MAT2B: variants seen among roughly 807,000 people sequenced by gnomAD.
MAT2B encodes methionine adenosyltransferase 2 non-catalytic beta subunit.
In MAT2B, 16 loss-of-function variants were observed where a neutral mutation model predicts 36.1. The observed-to-expected ratio is 0.44, with a 90% CI of 0.30 to 0.67. The LOEUF is 0.67. MAT2B is among the 30% of genes least tolerant of loss of function. The pLI, the probability that MAT2B is intolerant of heterozygous loss-of-function variation, is 0.09. For missense variants in MAT2B, 332 were observed against 398.2 expected, an observed-to-expected ratio of 0.83 and a Z score of 1.42; for synonymous variants, 148 against 136.9, an observed-to-expected ratio of 1.08 and a Z score of -0.57.
intron 1 of MAT2B, among the ~76,000 whole-genome samples, chr5:163,507,093 G>C (rs1426221894): frequency 6.6e-6 from 1 of 152,152 alleles, no homozygotes; most frequent in Non-Finnish European, 1.5e-5. Flanking sequence ...TTTACCTTAA[G>C]GGTCTGTTTC....
intron 1 of MAT2B, among the ~76,000 whole-genome samples, chr5:163,507,205 G>A (rs1759962429): frequency 2.0e-5 from 3 of 152,306 alleles, no homozygotes; most frequent in Admixed American, 6.5e-5. Context: ...CATACTAATA[G>A]TATTCCATTC....
intron 2 of MAT2B, chr5:163,512,707 A>G (rs776553409): frequency 4.4e-6 from 2 of 453,640 alleles, no homozygotes; most frequent in South Asian, 3.1e-5. Flanking sequence ...TTGTGACGTA[A>G]TCTTGGTTTG....
At chr5:163,511,401 C>G (rs1049325024) in intron 1 of MAT2B, among the ~76,000 whole-genome samples, 44 of 148,516 alleles carry the variant, frequency 3.0e-4, no homozygotes, top group African/African-American at 1.1e-3. Context: ...GTAGCTAGGA[C>G]TACAGGCATG....
At chr5:163,510,321 T>G (rs1760017336) in intron 1 of MAT2B, among the ~76,000 whole-genome samples, 1 of 92,962 alleles carries the variant, frequency 1.1e-5, no homozygotes, top group Non-Finnish European at 2.6e-5. Context: ...GTGTAATAAT[T>G]TATTTGTTTC....
At position 163,518,427 on chromosome 5, in the gene MAT2B, G is replaced by A. The variant is rs557088809; in HGVS notation, c.*64G>A. 6.5e-4 allele frequency: 903 copies of A among 1,382,048 alleles called. 1 individual carries two copies. The highest frequency in any genetic ancestry group is 8.4e-4 in the Non-Finnish European group (857 of 1,015,340). 85.6% of individuals were successfully genotyped at this position (1,382,048 alleles called of 1,614,324 possible). ...AGTATAGTATGTGGCACTTTTTAAA[G>A]AACAAAGGAAATAGTTTTGTATGAG... On this transcript the variant is annotated 3_prime_UTR_variant, in exon 7 of 7. Coordinates refer to ENST00000321757, the MANE Select transcript of MAT2B (RefSeq NM_013283.5).
chr5:163,517,591 T>G lies in MAT2B; in HGVS notation c.751T>G (p.Ser251Ala). ...DPSIKGTFHW[S>A]GNEQMTKYEM... ...ATCAATTAAGGGAACCTTTCACTGG[T>G]CTGGCAATGAACAGATGACTAAGTA... Residue 251 changes from serine (S) to alanine (A), a missense_variant, in exon 6 of 7, where the codon TCT becomes GCT. Coordinates refer to ENST00000321757, the MANE Select transcript of MAT2B (RefSeq NM_013283.5). 5 of 1,613,016 alleles carry G rather than the reference T, an allele frequency of 3.1e-6. No homozygotes were observed. Among genetic ancestry groups the G allele is most frequent in the Non-Finnish European group, 4.2e-6 (5 of 1,179,040 alleles).
intron 1 of MAT2B, among the ~76,000 whole-genome samples, chr5:163,508,262 T>TC (rs1759976027): frequency 7.0e-6 from 1 of 143,220 alleles, no homozygotes; most frequent in African/African-American, 3.0e-5. Flanking sequence ...TTCTTTTTTT[T>TC]CCTCTTGCTC....
chr5:163,503,180 T>C (rs2113544826), upstream of MAT2B: 2 of 510,450 alleles, frequency 3.9e-6, no homozygotes, highest in East Asian at 3.1e-5. Context: ...TCGAGACTAC[T>C]ACGGGGAATC....
At chr5:163,514,045 C>A (rs772187040) in intron 4 of MAT2B, 51 bp downstream of exon 4, 2 of 1,445,486 alleles carry the variant, frequency 1.4e-6, no homozygotes, top group Admixed American at 2.1e-5. Flanking sequence ...CTTTAAAAAT[C>A]ATTTATACAT....
In MAT2B at chr5:163,519,347, C is replaced by A. The variant is rs1403451498; in HGVS notation, c.*984C>A. On this transcript the variant is annotated 3_prime_UTR_variant, in exon 7 of 7. Transcript: ENST00000321757. Reference sequence around the variant, plus strand: ...ACACTTGATCCAGAATGTTAACTTACCACCCCATCCTAGAATGTTACAGTT... The same window carrying A: ...ACACTTGATCCAGAATGTTAACTTAACACCCCATCCTAGAATGTTACAGTT... The A allele has an allele frequency of 6.6e-6, 1 of 152,138 alleles. No homozygotes were observed. Among genetic ancestry groups the A allele is most frequent in the Non-Finnish European group, 1.5e-5 (1 of 68,008 alleles). The allele number at this position is 152,138 out of a possible 1,614,324, so 9.4% of individuals were successfully genotyped here. A position where few individuals can be genotyped will look rare whatever the true frequency, so the allele number is the denominator to read the frequency against.
rs1362755603 is a variant in MAT2B, at chr5:163,513,638, G to C, written c.342G>C (p.Val114=). ...CAGATGCTGCCTCTCAACTTAATGTGGATGCTTCTGGGAATTTAGCAAAGG... is the reference window on the plus strand; with the variant it reads ...CAGATGCTGCCTCTCAACTTAATGTCGATGCTTCTGGGAATTTAGCAAAGG... ...NQPDAASQLN[V]DASGNLAKEA... Residue 114 remains valine, a synonymous_variant, in exon 3 of 7, where the codon GTG becomes GTC. Transcript: ENST00000321757. 2 of 1,613,652 alleles carry C rather than the reference G, an allele frequency of 1.2e-6. No homozygotes were observed. Among genetic ancestry groups the C allele is most frequent in the Admixed American group, 3.3e-5 (2 of 59,996 alleles).
At chr5:163,516,413 A>G in intron 4 of MAT2B, 105 bp from the exon 5 acceptor site, 1 of 878,570 alleles carries the variant, frequency 1.1e-6, no homozygotes, top group Non-Finnish European at 1.8e-6. Flanking sequence ...TTTAATTAAA[A>G]GGCAAGGTTT....
chr5:163,509,379 T>C (rs1398165971), intron 1 of MAT2B, among the ~76,000 whole-genome samples: 1 of 152,218 alleles, frequency 6.6e-6, no homozygotes, highest in Non-Finnish European at 1.5e-5. Flanking sequence ...AAACGGATTG[T>C]TATGAAAGCT....
At chr5:163,511,553 G>A (rs966187567) in intron 1 of MAT2B, among the ~76,000 whole-genome samples, 7 of 148,262 alleles carry the variant, frequency 4.7e-5, no homozygotes, top group Admixed American at 3.5e-4. Flanking sequence ...AAAGTGCTGG[G>A]ATTAAAGGCA....
chr5:163,510,989 C>T (rs1760030084), intron 1 of MAT2B, among the ~76,000 whole-genome samples: 1 of 152,112 alleles, frequency 6.6e-6, no homozygotes, highest in Non-Finnish European at 1.5e-5. Context: ...AAACTTAAAA[C>T]ACGTTTCTCT....
At chr5:163,503,659 T>C (rs528312564), upstream of MAT2B, among the ~76,000 whole-genome samples, 27 of 152,330 alleles carry the variant, frequency 1.8e-4, no homozygotes, top group African/African-American at 6.3e-4. Context: ...CAATACAGAA[T>C]TGCACTTTCA....
In MAT2B at chr5:163,518,424, A is replaced by G. The variant is rs2113564851; in HGVS notation, c.*61A>G. 2 of 1,403,452 alleles carry G rather than the reference A, an allele frequency of 1.4e-6. No individual in the cohort carries two copies. The highest frequency in any genetic ancestry group is 1.5e-5 in the African/African-American group (1 of 68,808). The allele number at this position is 1,403,452 out of a possible 1,614,324, so 86.9% of individuals were successfully genotyped here. ...AAAAGTATAGTATGTGGCACTTTTT[A>G]AAGAACAAAGGAAATAGTTTTGTAT... is the stretch of plus-strand genomic sequence containing the variant. On this transcript the variant is annotated 3_prime_UTR_variant, in exon 7 of 7. Coordinates refer to ENST00000321757, the MANE Select transcript of MAT2B (RefSeq NM_013283.5).
chr5:163,503,153 C>T (rs1462040143), upstream of MAT2B: 1 of 445,416 alleles, frequency 2.2e-6, no homozygotes, highest in Non-Finnish European at 4.1e-6. Context: ...AAACATGAAA[C>T]TTCTCATTGG....
Position 163,518,481 on chromosome 5 carries a change from C to G in MAT2B, c.*118C>G, listed in dbSNP as rs945296551. 3.8e-6 allele frequency: 3 copies of G among 784,134 alleles called. No homozygotes were observed. The highest frequency in any genetic ancestry group is 5.8e-6 in the Non-Finnish European group (3 of 521,464). The allele number at this position is 784,134 out of a possible 1,614,324, so 48.6% of individuals were successfully genotyped here. A position where few individuals can be genotyped will look rare whatever the true frequency, so the allele number is the denominator to read the frequency against. ...TTTAATTGTGACTCTTAGGATCTTT[C>G]AGGTAAATGATGCTCTTGCACTAGT... On this transcript the variant is annotated 3_prime_UTR_variant, in exon 7 of 7. Coordinates refer to ENST00000321757, the MANE Select transcript of MAT2B (RefSeq NM_013283.5).
Sources: gnomAD v4.1 joint callset for allele counts (sites outside exome capture counted in the v4.1 genomes callset) on GRCh38, gnomAD v4.1.1 for gene constraint, MANE v1.5 for transcripts, NCBI Gene and HGNC (gene_info 2026-07-23, HGNC 2026-07-21) for gene names.